Variants in LINGO2 observed in about 807,000 individuals in gnomAD.
The protein encoded by LINGO2 is leucine-rich repeat and immunoglobulin-like domain-containing nogo receptor-interacting protein 2.
In LINGO2, 14 loss-of-function variants were observed where a neutral mutation model predicts 30.6. The ratio of observed to expected loss-of-function variants is 0.46; its 90% CI spans 0.30 to 0.72. The LOEUF is 0.72. LINGO2 is among the 30% of genes least tolerant of loss of function. LINGO2 has a pLI of 0.07. For synonymous variants in LINGO2, 317 were observed against 288.5 expected (o/e 1.10, Z -1.00); for missense variants, 729 against 751.7 (o/e 0.97, Z 0.35).
At chr9:28,461,390 TAC>T in intron 2 of LINGO2, among the ~76,000 whole-genome samples, 1 of 152,256 alleles carries the variant, frequency 6.6e-6, no homozygotes, top group African/African-American at 2.4e-5. Flanking sequence ...TTCCTGGCCA[TAC>T]AGGGTATCTT....
At chr9:28,092,602 T>C (rs960670790) in intron 4 of LINGO2, among the ~76,000 whole-genome samples, 2 of 151,428 alleles carry the variant, frequency 1.3e-5, no homozygotes, top group African/African-American at 4.9e-5. Flanking sequence ...ATGTAAATGA[T>C]GAGTTAATGG....
chr9:27,993,953 G>A lies in LINGO2; in HGVS notation c.-36+18402C>T, dbSNP rs539522617. ...AAAAAAAAAATCAAAATCTTATTAC[G>A]TGTCTTCTCTGACCACCGTGGAATA... On this transcript the variant is annotated intron_variant, in intron 5 of 5. Transcript: ENST00000379992. Among the ~76,000 whole-genome samples, 4 of 151,800 alleles carry A rather than the reference G, an allele frequency of 2.6e-5. No individual in the cohort carries two copies. The East Asian group carries it at 5.8e-4, about 22-fold the overall frequency.
intron 4 of LINGO2, among the ~76,000 whole-genome samples, chr9:28,054,808 T>C (rs1318926722): frequency 6.6e-6 from 1 of 152,136 alleles, no homozygotes; most frequent in Non-Finnish European, 1.5e-5. Flanking sequence ...ATTTTCAATA[T>C]TTCCTTAAGT....
the LINGO2 span, among the ~76,000 whole-genome samples, chr9:29,037,744 G>A: frequency 6.6e-6 from 1 of 151,786 alleles, no homozygotes; most frequent in Non-Finnish European, 1.5e-5. Flanking sequence ...AAAAAGCTCT[G>A]TGACCTAGAA....
At chr9:28,830,820 C>CACATGCACACACACGTGTGCATGGTATAT in the LINGO2 span, among the ~76,000 whole-genome samples, 3 of 147,946 alleles carry the variant, frequency 2.0e-5, no homozygotes, top group East Asian at 1.9e-4. Flanking sequence ...TTGCATCGTG[C>CACATGCACACACACGTGTGCATGGTATAT]ACATGCACAC....
At chr9:28,471,976 T>A (rs891528471) in intron 2 of LINGO2, among the ~76,000 whole-genome samples, 3 of 152,128 alleles carry the variant, frequency 2.0e-5, no homozygotes, top group Non-Finnish European at 4.4e-5. Flanking sequence ...ATTATTACAT[T>A]TATAAAACTC....
At chr9:28,412,696 G>T in intron 2 of LINGO2, among the ~76,000 whole-genome samples, 1 of 151,828 alleles carries the variant, frequency 6.6e-6, no homozygotes, top group East Asian at 1.9e-4. Context: ...AATATATTTG[G>T]TAGCAAAAAA....
At chr9:28,850,055 C>T in the LINGO2 span, among the ~76,000 whole-genome samples, 4 of 151,898 alleles carry the variant, frequency 2.6e-5, no homozygotes, top group Admixed American at 2.0e-4. Context: ...CACTTTAGTT[C>T]TACGGTTTTC....
the LINGO2 span, among the ~76,000 whole-genome samples, chr9:29,164,510 T>C: frequency 1.7e-4 from 23 of 138,148 alleles, no homozygotes; most frequent in African/African-American, 5.5e-4. Context: ...TATCAATTAA[T>C]GAAGGGATAC....
At chr9:28,942,032 C>T in the LINGO2 span, among the ~76,000 whole-genome samples, 1 of 152,096 alleles carries the variant, frequency 6.6e-6, no homozygotes, top group Non-Finnish European at 1.5e-5. Flanking sequence ...CCTGACTCTT[C>T]CCTTTTTTAA....
the LINGO2 span, among the ~76,000 whole-genome samples, chr9:28,689,614 T>G: frequency 0.1 from 15,207 of 152,122 alleles, 1,012 homozygotes; most frequent in East Asian, 0.2. Flanking sequence ...TAGTGGGGTG[T>G]AAATTAGTTT....
the LINGO2 span, among the ~76,000 whole-genome samples, chr9:28,826,480 G>A: frequency 6.6e-6 from 1 of 152,196 alleles, no homozygotes; most frequent in East Asian, 1.9e-4. Context: ...AGAACTCAGG[G>A]AAGAGATATG....
At chr9:29,181,379 C>G in the LINGO2 span, among the ~76,000 whole-genome samples, 27 of 151,896 alleles carry the variant, frequency 1.8e-4, no homozygotes, top group Non-Finnish European at 3.4e-4. Context: ...AAGTTGACTC[C>G]ATCACTTACG....
intron 4 of LINGO2, among the ~76,000 whole-genome samples, chr9:28,165,031 C>T (rs1828388448): frequency 6.6e-6 from 1 of 152,208 alleles, no homozygotes; most frequent in South Asian, 2.1e-4. Context: ...AAGCACCAAC[C>T]TCATCTCTGG....
chr9:28,358,020 C>A (rs1820295053), intron 3 of LINGO2, among the ~76,000 whole-genome samples: 2 of 152,002 alleles, frequency 1.3e-5, no homozygotes, highest in South Asian at 4.1e-4. Flanking sequence ...AAAATCTAGA[C>A]TAATTTCATA....
At chr9:28,169,502 T>G (rs534717070) in intron 4 of LINGO2, among the ~76,000 whole-genome samples, 1 of 152,288 alleles carries the variant, frequency 6.6e-6, no homozygotes, top group Admixed American at 6.5e-5. Flanking sequence ...AAGTCTAACT[T>G]TATTCTTTAA....
chr9:28,254,299 T>C (rs1298224245), intron 4 of LINGO2, among the ~76,000 whole-genome samples: 1 of 152,168 alleles, frequency 6.6e-6, no homozygotes, highest in Non-Finnish European at 1.5e-5. Flanking sequence ...TTATATTTAA[T>C]GCTATTTCCA....
intron 1 of LINGO2, among the ~76,000 whole-genome samples, chr9:28,483,908 T>C (rs1487156895): frequency 1.3e-5 from 2 of 152,030 alleles, no homozygotes; most frequent in Admixed American, 6.6e-5. Context: ...TGTAGATCAA[T>C]GAAGACAGCT....
At chr9:29,088,470 A>G in the LINGO2 span, among the ~76,000 whole-genome samples, 157 of 152,294 alleles carry the variant, frequency 1.0e-3, 1 homozygote, top group Middle Eastern at 0.01. Flanking sequence ...TACACCTTAG[A>G]TACCATGCTG....
Sources: gnomAD v4.1 joint callset for allele counts (sites outside exome capture counted in the v4.1 genomes callset) on GRCh38, gnomAD v4.1.1 for gene constraint, MANE v1.5 for transcripts, NCBI Gene and HGNC (gene_info 2026-07-23, HGNC 2026-07-21) for gene names.